The following CARD10 variants were observed in gnomAD, a reference collection of about 807,000 sequenced individuals.
CARD10 encodes the protein caspase recruitment domain-containing protein 10.
Under a neutral mutation model 114.6 loss-of-function variants are expected in CARD10, and 49 were observed. The observed-to-expected ratio is 0.43, with a 90% confidence interval of 0.34 to 0.54. The LOEUF is 0.54. CARD10 is among the 20% of genes least tolerant of loss of function. CARD10 has a pLI of 0.03. For missense variants in CARD10, 1,206 were observed against 1,397.2 expected, an observed-to-expected ratio of 0.86 and a Z score of 2.18; for synonymous variants, 602 against 593.2, an observed-to-expected ratio of 1.01 and a Z score of -0.21.
In CARD10 at chr22:37,508,584, G is replaced by T; in HGVS notation, c.1008C>A (p.Cys336Ter). The T allele has an allele frequency of 6.3e-7, 1 of 1,595,248 alleles. No individual in the cohort carries two copies. The change falls in exon 5 of 20, where the codon TGC becomes TGA. Residue 336 changes from cysteine (C) to a stop codon, truncating the protein, a stop_gained. Coordinates refer to ENST00000251973, the MANE Select transcript of CARD10 (RefSeq NM_014550.4). LOFTEE classifies it high-confidence loss of function. Reference protein sequence around the residue: ...REAQDSRQELCQKLHAVQGEL... With the variant: ...REAQDSRQEL ...CCCCCTGCACGGCATGCAGCTTCTG[G>T]CACAGCTCCTGCCTGCTGTCCTGCG...
chr22:37,506,166 G>C (rs751775151), intron 7 of CARD10, 26 bp downstream of exon 7: 75 of 1,425,934 alleles, frequency 5.3e-5, no homozygotes, highest in Non-Finnish European at 5.4e-5. Context: ...TTCCTGCCAG[G>C]ACCTCCACAA....
At chr22:37,510,549 C>A (rs1923602574) in intron 3 of CARD10, 128 bp from the exon 4 acceptor site, 9 of 722,514 alleles carry the variant, frequency 1.2e-5, no homozygotes, top group Admixed American at 1.1e-4. Flanking sequence ...AGCAGGAGTC[C>A]TCCCCAGGCT....
chr22:37,515,886 G>C, intron 3 of CARD10, 87 bp downstream of exon 3: 1 of 1,068,914 alleles, frequency 9.4e-7, no homozygotes, highest in Non-Finnish European at 1.3e-6. Flanking sequence ...GCCAGCAATG[G>C]TGGCTCTGGG....
rs371360648 is a variant in CARD10, at chr22:37,506,257, G to A, written c.1318C>T (p.Leu440=). 2.7e-5 allele frequency: 43 copies of A among 1,609,472 alleles called. No homozygotes were observed. The African/African-American group carries it at 5.5e-4, about 21-fold the overall frequency. ...TCCAGCAGAGCCTTGGTGCCCTCCA[G>A]GCTGGTGAGCGTTGTCAGCAGCTCA... is the stretch of plus-strand genomic sequence containing the variant. ...RDELLTTLTS[L]EGTKALLEVQ... is the part of the protein sequence containing the mutation. Residue 440 remains leucine (L), a synonymous_variant, in exon 7 of 20, where the codon CTG becomes TTG. Coordinates refer to ENST00000251973, the MANE Select transcript of CARD10 (RefSeq NM_014550.4).
rs1923593843 is a variant in CARD10, at chr22:37,510,339, G to A, written c.782C>T (p.Ala261Val). ...CTCCTTCTCCTTCTCCTTCTCCTCT[G>A]CCCCAGGGGGCGGGCCCCTGGCCCT... is the stretch of plus-strand genomic sequence containing the variant. ...LRRARGPPPG[A>V]EEKEKEKEKE... Residue 261 changes from alanine (A) to valine (V), a missense_variant, in exon 4 of 20, where the codon GCA becomes GTA. Physicochemically the swap from Ala to Val is moderately conservative, Grantham distance 64. This residue lies in a region of CARD10 where 1,068 missense variants were observed against 1,179.1 expected (regional missense o/e 0.91). Transcript: ENST00000251973. 6.3e-7 allele frequency: 1 copy of A among 1,591,008 alleles called. No individual in the cohort carries two copies. Among genetic ancestry groups the A allele is most frequent in the Admixed American group, 1.7e-5 (1 of 59,402 alleles).
intron 16 of CARD10, among the ~76,000 whole-genome samples, chr22:37,493,833 A>G (rs1222438693): frequency 6.6e-6 from 1 of 152,174 alleles, no homozygotes; most frequent in African/African-American, 2.4e-5. Context: ...ACAAGCCAGT[A>G]TGTGTGCAAA....
rs772296989 is a variant in CARD10 at position 37,496,450 on chromosome 22, C to T, written c.2058G>A (p.Lys686=). 6.2e-7 allele frequency: 1 copy of T among 1,609,770 alleles called. No individual in the cohort carries two copies. Among genetic ancestry groups the T allele is most frequent in the East Asian group, 2.2e-5 (1 of 44,802 alleles). ...CTCCGACTCCCAAGCCAGACTTACC[C>T]TTCGAGTCCATCAGGGAGGGGAGTG... ...GSTLPSLMDS[K]ACQSFHEALE... The change falls in exon 13 of 20, where the codon AAG becomes AAA. Residue 686 remains lysine (K), a splice_region_variant and synonymous_variant. Coordinates refer to ENST00000251973, the MANE Select transcript of CARD10 (RefSeq NM_014550.4). This position sits in a 1 kb window ranked among gnomAD's most constrained non-coding sequence, Gnocchi z 4.1.
intron 3 of CARD10, among the ~76,000 whole-genome samples, chr22:37,510,802 C>T (rs1923611607): frequency 1.3e-5 from 2 of 152,180 alleles, no homozygotes; most frequent in Non-Finnish European, 2.9e-5. Flanking sequence ...GGGCCAGGCA[C>T]AGTGGCTCAC....
chr22:37,502,746 T>C (rs775019812), intron 10 of CARD10, 21 bp from the exon 11 acceptor site: 1 of 1,609,760 alleles, frequency 6.2e-7, no homozygotes, highest in South Asian at 1.1e-5. Context: ...AGAATGAGGT[T>C]CAGGGATCTG....
At chr22:37,513,141 C>T (rs549330077) in intron 3 of CARD10, among the ~76,000 whole-genome samples, 3 of 152,194 alleles carry the variant, frequency 2.0e-5, no homozygotes, top group South Asian at 2.1e-4. Flanking sequence ...GACAGAGTCT[C>T]GCTGTGTCGC....
intron 2 of CARD10, among the ~76,000 whole-genome samples, chr22:37,517,764 G>A (rs1318148140): frequency 6.6e-6 from 1 of 152,200 alleles, no homozygotes; most frequent in East Asian, 1.9e-4. Flanking sequence ...TCTTAAGCAT[G>A]TGGCTCTGAA....
chr22:37,504,329 A>AC, intron 8 of CARD10, 28 bp from the exon 9 acceptor site: 1 of 1,437,302 alleles, frequency 7.0e-7, no homozygotes, highest in Non-Finnish European at 9.4e-7. Context: ...GGCCTGGGTC[A>AC]CCCCCACTGC....
At chr22:37,495,676 G>A in intron 14 of CARD10, 84 bp downstream of exon 14, 1 of 1,609,690 alleles carries the variant, frequency 6.2e-7, no homozygotes, top group South Asian at 1.1e-5. Flanking sequence ...AGGATGGTGA[G>A]GGAATGCAGG....
intron 16 of CARD10, 131 bp downstream of exon 16, chr22:37,493,955 C>A (rs1042595916): frequency 1.4e-5 from 10 of 729,206 alleles, no homozygotes; most frequent in Non-Finnish European, 2.2e-5. Context: ...GCATGACCCC[C>A]ACTCCTGTTG....
Position 37,496,553 on chromosome 22 carries a change from A to G in CARD10, c.1955T>C (p.Val652Ala). 6.2e-7 allele frequency: 1 copy of G among 1,611,748 alleles called. No individual in the cohort carries two copies. The highest frequency in any genetic ancestry group is 1.1e-5 in the South Asian group (1 of 91,018). The change falls in exon 13 of 20, where the codon GTG becomes GCG. Residue 652 changes from valine to alanine, a missense_variant. Physicochemically the swap from Val to Ala is moderately conservative, Grantham distance 64. Transcript: ENST00000251973. This position sits in a 1 kb window ranked among gnomAD's most constrained non-coding sequence, Gnocchi z 4.1. ...CGCCCCCTCCAGACCAGCAGCTTCCACCCTTTGCTGGGAGAAAACCCAGGC... is the reference window on the plus strand; with the variant it reads ...CGCCCCCTCCAGACCAGCAGCTTCCGCCCTTTGCTGGGAGAAAACCCAGGC... ...SARMEPREQRVEAAGLEGACL... is the reference protein window; with the variant it reads ...SARMEPREQRAEAAGLEGACL...
At position 37,497,013 on chromosome 22, in the gene CARD10, C is replaced by T. The variant is rs771092565; in HGVS notation, c.1947+6G>A. ...TACCCCCCCAGCTCAGGAGGCAGGG[C>T]CTCACCTCTCTTGGTTCCATCCTGG... On this transcript the variant is annotated splice_donor_region_variant and intron_variant, in intron 12 of 19. Coordinates refer to ENST00000251973, the MANE Select transcript of CARD10 (RefSeq NM_014550.4). The T allele has an allele frequency of 1.1e-5, 18 of 1,606,968 alleles. No individual in the cohort carries two copies. In the South Asian group the frequency reaches 1.2e-4, roughly 11 times the overall value.
rs372414450 is a variant in CARD10, at chr22:37,496,480, C to A, written c.2028G>T (p.Gly676=). 2.5e-5 allele frequency: 41 copies of A among 1,613,430 alleles called. No homozygotes were observed. Among genetic ancestry groups the A allele is most frequent in the Non-Finnish European group, 3.2e-5 (38 of 1,179,678 alleles). Residue 676 remains glycine, a synonymous_variant, in exon 13 of 20, where the codon GGG becomes GGT. Coordinates refer to ENST00000251973, the MANE Select transcript of CARD10 (RefSeq NM_014550.4). The surrounding 1 kb of genome is among the most constrained non-coding windows in gnomAD (Gnocchi z 4.1). Reference sequence around the variant, plus strand: ...AGTCCATCAGGGAGGGGAGTGTGGACCCCTGATTCCAGAGCAAGGTTCTCT... The same window carrying A: ...AGTCCATCAGGGAGGGGAGTGTGGAACCCTGATTCCAGAGCAAGGTTCTCT... ...AQQRTLLWNQ[G]STLPSLMDSK...
At chr22:37,499,646 G>A (rs1263492893) in intron 11 of CARD10, among the ~76,000 whole-genome samples, 1 of 151,982 alleles carries the variant, frequency 6.6e-6, no homozygotes, top group African/African-American at 2.4e-5. Flanking sequence ...CAGCTCAGGC[G>A]CCCCCTCCTC....
chr22:37,493,354 T>G (rs576547211), intron 16 of CARD10, among the ~76,000 whole-genome samples: 1 of 152,298 alleles, frequency 6.6e-6, no homozygotes, highest in East Asian at 1.9e-4. Context: ...GCCCCTGGCA[T>G]GTGCCCCACG....
Sources: allele counts gnomAD v4.1 joint callset (sites outside exome capture counted in the v4.1 genomes callset), GRCh38; gene constraint gnomAD v4.1.1; regional missense constraint gnomAD v4.1.1; non-coding constraint Gnocchi (gnomAD v3.1); transcripts MANE v1.5; gene names NCBI Gene and HGNC (gene_info 2026-07-23, HGNC 2026-07-21).